RNF213: variants seen among roughly 807,000 people sequenced by gnomAD.
RNF213 encodes the protein E3 ubiquitin-protein ligase RNF213.
Under a neutral mutation model 514.4 loss-of-function variants are expected in RNF213, and 341 were observed. That is an observed-to-expected ratio of 0.66 (90% CI 0.61 to 0.73). The LOEUF (loss-of-function observed/expected upper bound fraction) is 0.73. Among genes scored for constraint, RNF213 ranks in the 30% least tolerant of loss-of-function variants. The pLI is 0.00. For synonymous variants in RNF213, 2,655 were observed against 2,658.2 expected (o/e 1.00, Z 0.04); for missense variants, 5,767 against 6,615.6 (o/e 0.87, Z 4.45).
intron 3 of RNF213, among the ~76,000 whole-genome samples, chr17:80,284,697 T>C (rs1436291055): frequency 3.3e-5 from 5 of 151,634 alleles, no homozygotes; most frequent in African/African-American, 4.9e-5. Flanking sequence ...CCCTGTCTAC[T>C]CTGCCTTCCG....
At chr17:80,298,130 A>G (rs567639294) in intron 10 of RNF213, among the ~76,000 whole-genome samples, 191 bp from the exon 11 acceptor site, 1 of 152,128 alleles carries the variant, frequency 6.6e-6, no homozygotes, top group East Asian at 1.9e-4. Context: ...AGGGCCTGCA[A>G]AGGAGCTGAC....
In RNF213 at chr17:80,372,708, T is replaced by G; in HGVS notation, c.12725T>G (p.Phe4242Cys). The G allele has an allele frequency of 6.2e-7, 1 of 1,613,784 alleles. No individual in the cohort carries two copies. The highest frequency in any genetic ancestry group is 8.5e-7 in the Non-Finnish European group (1 of 1,180,032). ...CTCTGCCTCGACAGAGCTGCAGATT[T>G]CCTCTCGGAGCCTGAGGGAGGCCCA... ...IRLCLDRAAD[F>C]LSEPEGGPEM... is the part of the protein sequence containing the mutation. Residue 4242 changes from phenylalanine to cysteine, a missense_variant, in exon 48 of 68, where the codon TTC becomes TGC. By Grantham distance (205) the Phe-to-Cys change is radical. This residue lies in a region of RNF213 where 1,245 missense variants were observed against 1,339.0 expected (regional missense o/e 0.93). Coordinates refer to ENST00000582970, the MANE Select transcript of RNF213 (RefSeq NM_001256071.3).
chr17:80,375,954 A>G, intron 51 of RNF213, 84 bp downstream of exon 51: 1 of 1,060,964 alleles, frequency 9.4e-7, no homozygotes. Flanking sequence ...ATCAACACAA[A>G]TCATACCATA....
intron 36 of RNF213, among the ~76,000 whole-genome samples, chr17:80,356,121 A>C (rs1599111377): frequency 6.6e-6 from 1 of 150,706 alleles, no homozygotes; most frequent in Non-Finnish European, 1.5e-5. Context: ...CCTGCCTCAG[A>C]CTCCTGAGTA....
At chr17:80,385,721 C>A in intron 61 of RNF213, 100 bp downstream of exon 61, 1 of 1,001,242 alleles carries the variant, frequency 1.0e-6, no homozygotes, top group Non-Finnish European at 1.6e-6. Flanking sequence ...CAACACCCAG[C>A]ACTGTGTTTG....
In RNF213 at chr17:80,372,972, C is replaced by CAA. The variant is rs772679326; in HGVS notation, c.12752-2_12752-1insAA. On this transcript the variant is annotated splice_region_variant and splice_polypyrimidine_tract_variant and intron_variant, in intron 48 of 67. Coordinates refer to ENST00000582970, the MANE Select transcript of RNF213 (RefSeq NM_001256071.3). ...CTCACCCGCTTTCTCGTTGGCCTCT[C>CAA]AGAGATGGCCAAGGAGAAGCAGTGC... 6.2e-7 allele frequency: 1 copy of CAA among 1,613,284 alleles called. No individual in the cohort carries two copies. Among genetic ancestry groups the CAA allele is most frequent in the South Asian group, 1.1e-5 (1 of 90,944 alleles).
At chr17:80,355,864 C>A (rs2078794924) in intron 36 of RNF213, among the ~76,000 whole-genome samples, 2 of 150,838 alleles carry the variant, frequency 1.3e-5, no homozygotes, top group South Asian at 4.1e-4. Flanking sequence ...TTACAGACAC[C>A]TTCCTCGTGA....
chr17:80,383,419 GATTA>G (rs2144615234), intron 58 of RNF213, among the ~76,000 whole-genome samples: 1 of 152,188 alleles, frequency 6.6e-6, no homozygotes, highest in Middle Eastern at 3.2e-3. Flanking sequence ...GACAATCATA[GATTA>G]ATTATTCATC....
intron 46 of RNF213, among the ~76,000 whole-genome samples, chr17:80,371,097 T>C (rs1263271412): frequency 2.6e-5 from 4 of 152,164 alleles, no homozygotes; most frequent in African/African-American, 9.7e-5. Context: ...AAATGACCAA[T>C]GCCTGATGTC....
rs79267010 is a variant in RNF213 at position 80,321,395 on chromosome 17, G to A, written c.3024+2083G>A. 154 of 152,202 alleles carry A rather than the reference G, an allele frequency of 1.0e-3. 1 individual carries two copies. Among genetic ancestry groups the A allele is most frequent in the African/African-American group, 3.2e-3 (131 of 41,540 alleles). The allele number at this position is 152,202 out of a possible 1,614,324, so 9.4% of individuals were successfully genotyped here. On this transcript the variant is annotated intron_variant, in intron 17 of 67. Coordinates refer to ENST00000582970, the MANE Select transcript of RNF213 (RefSeq NM_001256071.3). ...TTTTTTCCATGGCCAAATATTCCCC[G>A]TTTATCCATGTGTCCATTGACGGCC...
intron 3 of RNF213, among the ~76,000 whole-genome samples, chr17:80,284,678 C>T (rs1049103469): frequency 1.4e-4 from 22 of 152,148 alleles, no homozygotes; most frequent in African/African-American, 4.8e-4. Context: ...TTGGTGCAGG[C>T]GTCTCCGGCC....
At chr17:80,373,684 TAGA>T (rs929786659) in intron 49 of RNF213, among the ~76,000 whole-genome samples, 1 of 152,058 alleles carries the variant, frequency 6.6e-6, no homozygotes, top group Non-Finnish European at 1.5e-5. Flanking sequence ...GAACTAGGAA[TAGA>T]AGAATTGCAG....
At position 80,394,390 on chromosome 17, in the gene RNF213, G is replaced by A. The variant is rs756802289; in HGVS notation, c.*892G>A. Reference sequence around the variant, plus strand: ...TGTATGAATATCTAGTCCTTTCTGTGGTTCTCAGCCAAGACATAAAAACTA... The same window carrying A: ...TGTATGAATATCTAGTCCTTTCTGTAGTTCTCAGCCAAGACATAAAAACTA... On this transcript the variant is annotated 3_prime_UTR_variant, in exon 68 of 68. Transcript: ENST00000582970. 1.3e-5 allele frequency: 2 copies of A among 152,134 alleles called. No individual in the cohort carries two copies. Among genetic ancestry groups the A allele is most frequent in the Non-Finnish European group, 2.9e-5 (2 of 68,032 alleles). 9.4% of individuals were successfully genotyped at this position (152,134 alleles called of 1,614,324 possible).
intron 3 of RNF213, among the ~76,000 whole-genome samples, chr17:80,274,408 G>A (rs886901193): frequency 6.7e-6 from 1 of 149,674 alleles, no homozygotes; most frequent in African/African-American, 2.5e-5. Context: ...GGGCTCTAGC[G>A]CGGCCTGGGA....
At chr17:80,316,271 G>T (rs897340508) in intron 15 of RNF213, 4 of 152,054 alleles carry the variant, frequency 2.6e-5, no homozygotes, top group African/African-American at 9.7e-5. Context: ...TTTTTTTACA[G>T]TGCATTTTCA....
chr17:80,393,135 C>A (rs546995134), intron 67 of RNF213, among the ~76,000 whole-genome samples: 1 of 151,922 alleles, frequency 6.6e-6, no homozygotes, highest in Non-Finnish European at 1.5e-5. Context: ...TACACCACCA[C>A]GTGCCCAGCT....
At chr17:80,287,630 G>A (rs1167442111) in intron 3 of RNF213, among the ~76,000 whole-genome samples, 185 bp from the exon 4 acceptor site, 1 of 148,748 alleles carries the variant, frequency 6.7e-6, no homozygotes, top group Non-Finnish European at 1.5e-5. Context: ...CCCCGACCCT[G>A]CCCACCCCCC....
At position 80,345,924 on chromosome 17, in the gene RNF213, A is replaced by G; in HGVS notation, c.7589A>G (p.His2530Arg). 1 of 1,614,212 alleles carries G rather than the reference A, an allele frequency of 6.2e-7. No individual in the cohort carries two copies. Residue 2530 changes from histidine to arginine, a missense_variant, in exon 29 of 68, where the codon CAC (histidine) becomes CGC (arginine). By Grantham distance (29) the His-to-Arg change is conservative. Coordinates refer to ENST00000582970, the MANE Select transcript of RNF213 (RefSeq NM_001256071.3). The surrounding 1 kb of genome is among the most constrained non-coding windows in gnomAD (Gnocchi z 6.0). The part of the protein sequence containing the change: ...IIAACNPYRK[H>R]SEEMICRLES... ...GCTGCCTGCAATCCATACCGGAAGC[A>G]CTCTGAGGAGATGATCTGCCGTTTG...
chr17:80,363,693 TTGG>T lies in RNF213; in HGVS notation c.11656_11658del (p.Val3886del). Reference sequence around the variant, plus strand: ...GCCCAGTCCCCAGGCGTGGCTACAGTTGGTGAAGAATCTTTCCATGCCGCTGGA... The same window carrying T: ...GCCCAGTCCCCAGGCGTGGCTACAGTTGAAGAATCTTTCCATGCCGCTGGA... On this transcript the variant is annotated inframe_deletion, in exon 41 of 68. Transcript: ENST00000582970. 2 of 1,613,926 alleles carry T rather than the reference TTGG, an allele frequency of 1.2e-6. No individual in the cohort carries two copies. Among genetic ancestry groups the T allele is most frequent in the East Asian group, 2.2e-5 (1 of 44,872 alleles).
Sources: allele counts gnomAD v4.1 joint callset (sites outside exome capture counted in the v4.1 genomes callset), GRCh38; gene constraint gnomAD v4.1.1; regional missense constraint gnomAD v4.1.1; non-coding constraint Gnocchi (gnomAD v3.1); transcripts MANE v1.5; gene names NCBI Gene and HGNC (gene_info 2026-07-23, HGNC 2026-07-21).